The following CSMD1 variants were observed in gnomAD, a reference collection of about 807,000 sequenced individuals.
CSMD1 encodes CUB and Sushi multiple domains 1.
Under a neutral mutation model 417.5 loss-of-function variants are expected in CSMD1, and 213 were observed. The observed-to-expected ratio is 0.51, with a 90% CI of 0.46 to 0.57. The LOEUF (loss-of-function observed/expected upper bound fraction) is 0.57, where lower values mean the gene tolerates loss of function less well. Ranked by LOEUF, CSMD1 falls within the 20% of genes least tolerant of loss-of-function variation. CSMD1 has a pLI of 0.00. For missense variants in CSMD1, 6,923 were observed against 4,529.7 expected, an observed-to-expected ratio of 1.53 and a Z score of -15.17; for synonymous variants, 2,862 against 1,736.8, an observed-to-expected ratio of 1.65 and a Z score of -16.11.
intron 5 of CSMD1, among the ~76,000 whole-genome samples, chr8:3,931,188 T>C (rs372706494): frequency 2.7e-5 from 4 of 150,744 alleles, no homozygotes; most frequent in South Asian, 2.1e-4. Flanking sequence ...TCCCCTCATA[T>C]CCATTTAGGA....
At chr8:3,269,104 A>C (rs893258056) in intron 26 of CSMD1, among the ~76,000 whole-genome samples, 1 of 152,192 alleles carries the variant, frequency 6.6e-6, no homozygotes. Flanking sequence ...AGTATACAAG[A>C]CTTAGAACTT....
At chr8:3,540,909 A>C (rs113189742) in intron 10 of CSMD1, among the ~76,000 whole-genome samples, 6,439 of 152,300 alleles carry the variant, frequency 0.042, 187 homozygotes, top group Non-Finnish European at 0.06. Flanking sequence ...GGAGAAACAG[A>C]AACTCTTTTA....
In CSMD1 at chr8:3,308,295, A is replaced by C. The variant is rs898605262; in HGVS notation, c.3823+17T>G. ...GGCCTGGCTTTTGCACAATGGTATG[A>C]CTGCTTCCACACTCACCTATGCACG... On this transcript the variant is annotated intron_variant, in intron 24 of 69. Coordinates refer to ENST00000635120, the MANE Select transcript of CSMD1 (RefSeq NM_033225.6). 1.3e-6 allele frequency: 2 copies of C among 1,588,182 alleles called. No homozygotes were observed. Among genetic ancestry groups the C allele is most frequent in the African/African-American group, 2.7e-5 (2 of 74,498 alleles).
intron 7 of CSMD1, among the ~76,000 whole-genome samples, chr8:3,692,209 C>T (rs181715024): frequency 2.0e-4 from 31 of 152,310 alleles, no homozygotes; most frequent in Non-Finnish European, 3.8e-4. Flanking sequence ...GCCCCATACA[C>T]CTCAGTGTCC....
chr8:4,876,638 A>G (rs542789607), intron 1 of CSMD1, among the ~76,000 whole-genome samples: 17 of 152,188 alleles, frequency 1.1e-4, no homozygotes, highest in Non-Finnish European at 1.6e-4. Context: ...GTTATTTAGG[A>G]AAAGCACAAT....
intron 5 of CSMD1, among the ~76,000 whole-genome samples, chr8:3,826,972 G>A (rs1247461234): frequency 6.6e-6 from 1 of 151,986 alleles, no homozygotes; most frequent in Non-Finnish European, 1.5e-5. Context: ...TATAGAGACA[G>A]AGTGTTGCTA....
intron 7 of CSMD1, among the ~76,000 whole-genome samples, chr8:3,619,646 C>CATA (rs2117185911): frequency 6.6e-6 from 1 of 152,124 alleles, no homozygotes; most frequent in East Asian, 1.9e-4. Flanking sequence ...CAGCAAGACA[C>CATA]ATAATAATCA....
chr8:4,953,949 A>G (rs1357970426), intron 1 of CSMD1, among the ~76,000 whole-genome samples: 1 of 152,108 alleles, frequency 6.6e-6, no homozygotes, highest in Non-Finnish European at 1.5e-5. Context: ...TGGTGCACCT[A>G]ATGCACAGTA....
intron 21 of CSMD1, among the ~76,000 whole-genome samples, chr8:3,358,207 G>A (rs1808924712): frequency 6.6e-6 from 1 of 152,198 alleles, no homozygotes; most frequent in South Asian, 2.1e-4. Flanking sequence ...AAATTAGTGT[G>A]GTTCGTATTC....
chr8:4,989,480 C>A (rs1811353624), intron 1 of CSMD1, among the ~76,000 whole-genome samples: 1 of 152,112 alleles, frequency 6.6e-6, no homozygotes, highest in African/African-American at 2.4e-5. Context: ...ACACAAGTAT[C>A]TTCCTCTGAT....
rs564774154 is a variant in CSMD1 at position 3,388,799 on chromosome 8, A to G, written c.2594-1117T>C. On this transcript the variant is annotated intron_variant, in intron 17 of 69. Coordinates refer to ENST00000635120, the MANE Select transcript of CSMD1 (RefSeq NM_033225.6). The stretch of plus-strand genomic sequence containing the variant: ...CCTTCCAACTCTGGAGGAGCTTTCA[A>G]TCTGCCAGAGGCAACGTGGATATCA... Among the ~76,000 whole-genome samples the G allele has an allele frequency of 9.2e-5, 14 of 152,260 alleles. No homozygotes were observed. The South Asian group carries it at 2.7e-3, about 29-fold the overall frequency.
intron 25 of CSMD1, among the ~76,000 whole-genome samples, chr8:3,301,186 A>G (rs990494893): frequency 4.6e-5 from 7 of 151,838 alleles, no homozygotes; most frequent in African/African-American, 1.7e-4. Flanking sequence ...CATAAACATA[A>G]ATTTTTAAAA....
At chr8:4,055,872 C>T (rs548640850) in intron 3 of CSMD1, among the ~76,000 whole-genome samples, 17 of 152,066 alleles carry the variant, frequency 1.1e-4, no homozygotes, top group Non-Finnish European at 2.2e-4. Context: ...TTTAAACATA[C>T]CAAAATAGCA....
chr8:4,107,422 T>TA (rs1801624793), intron 3 of CSMD1, among the ~76,000 whole-genome samples: 2 of 152,228 alleles, frequency 1.3e-5, no homozygotes, highest in South Asian at 4.1e-4. Context: ...AATGTCTTGA[T>TA]ACACATCACA....
intron 18 of CSMD1, 95 bp from the exon 19 acceptor site, chr8:3,369,465 A>T (rs978911899): frequency 4.6e-6 from 3 of 656,560 alleles, no homozygotes; most frequent in African/African-American, 1.8e-5. Context: ...TTGCACAAGG[A>T]TTAACAAATT....
intron 12 of CSMD1, among the ~76,000 whole-genome samples, chr8:3,444,387 G>A (rs1364495802): frequency 1.3e-5 from 2 of 152,186 alleles, no homozygotes; most frequent in East Asian, 3.9e-4. Flanking sequence ...TCCATAGATT[G>A]AAAATCATCA....
intron 5 of CSMD1, among the ~76,000 whole-genome samples, chr8:3,802,850 G>A (rs1169033784): frequency 3.9e-5 from 6 of 152,096 alleles, no homozygotes; most frequent in African/African-American, 7.2e-5. Flanking sequence ...TTAAGCATCC[G>A]CACTGGCCCT....
intron 22 of CSMD1, among the ~76,000 whole-genome samples, chr8:3,344,085 A>G (rs762221376): frequency 4.6e-5 from 7 of 152,128 alleles, no homozygotes; most frequent in Non-Finnish European, 1.0e-4. Context: ...GTAAAACGAG[A>G]GTAGATGTAA....
At chr8:4,422,548 C>G (rs1341293388) in intron 2 of CSMD1, among the ~76,000 whole-genome samples, 1 of 152,068 alleles carries the variant, frequency 6.6e-6, no homozygotes, top group Non-Finnish European at 1.5e-5. Context: ...AGGATGCTGT[C>G]TACAAGTCAG....
Sources: allele counts gnomAD v4.1 joint callset (sites outside exome capture counted in the v4.1 genomes callset), GRCh38; gene constraint gnomAD v4.1.1; transcripts MANE v1.5; gene names NCBI Gene and HGNC (gene_info 2026-07-23, HGNC 2026-07-21).